The following SMU1 variants were observed in gnomAD, a reference collection of about 807,000 sequenced individuals.
The protein encoded by SMU1 is SMU1 DNA replication regulator and spliceosomal factor.
SMU1 carries 2 observed loss-of-function variants against 62.0 expected under a neutral mutation model. The ratio of observed to expected loss-of-function variants is 0.03; its 90% CI spans 0.01 to 0.10. The LOEUF (loss-of-function observed/expected upper bound fraction) is 0.10. SMU1 is among the 10% of genes least tolerant of loss of function. The probability of loss-of-function intolerance (pLI) is 1.00; values close to 1 mark genes in which losing one functional copy is unlikely to be tolerated. For synonymous variants in SMU1, 188 were observed against 212.4 expected (o/e 0.89, Z 1.00); for missense variants, 227 against 622.1 (o/e 0.36, Z 6.76).
At chr9:33,072,758 G>A (rs367612499) in intron 2 of SMU1, among the ~76,000 whole-genome samples, 18 of 148,642 alleles carry the variant, frequency 1.2e-4, no homozygotes, top group African/African-American at 4.2e-4. Flanking sequence ...GAACCCCGGA[G>A]ATGGAGGTTG....
At chr9:33,070,994 T>C (rs895104881) in intron 3 of SMU1, among the ~76,000 whole-genome samples, 4 of 152,180 alleles carry the variant, frequency 2.6e-5, no homozygotes, top group Non-Finnish European at 5.9e-5. Flanking sequence ...ATAATAATTA[T>C]ACATTTTAAA....
rs753088124 is a variant in SMU1, at chr9:33,057,005, A to C, written c.868-41T>G. ...AAAAAAGAATTAAAAAAACCTTGTT[A>C]AGTGTCCTACTATTAATAGCCCACA... On this transcript the variant is annotated intron_variant, in intron 7 of 11. Transcript: ENST00000397149. 3.1e-6 allele frequency: 5 copies of C among 1,587,642 alleles called. No homozygotes were observed. In the Admixed American group the frequency reaches 9.1e-5, roughly 29 times the overall value.
intron 10 of SMU1, among the ~76,000 whole-genome samples, chr9:33,049,894 T>C (rs1261346878): frequency 2.0e-5 from 3 of 152,042 alleles, no homozygotes; most frequent in African/African-American, 7.2e-5. Context: ...GCTATGATCA[T>C]GCCACTGCAC....
intron 8 of SMU1, 54 bp downstream of exon 8, chr9:33,056,783 C>A: frequency 1.3e-6 from 2 of 1,582,628 alleles, no homozygotes; most frequent in Non-Finnish European, 1.7e-6. Context: ...TACCTCCCTC[C>A]ATGGCCTCAT....
rs542627394 is a variant in SMU1, at chr9:33,062,055, A to G, written c.624T>C (p.His208=). The G allele has an allele frequency of 6.2e-7, 1 of 1,613,484 alleles. No individual in the cohort carries two copies. Among genetic ancestry groups the G allele is most frequent in the African/African-American group, 1.3e-5 (1 of 75,008 alleles). ...GAATGTCTTAGGATCCTACCTTAAT[A>G]TGCCTGCTCAGTTGTGTAGGAAACT... is the stretch of plus-strand genomic sequence containing the variant. ...EEKFPTQLSR[H]IKFGQKSHVE... Residue 208 remains histidine, a synonymous_variant, in exon 5 of 12, where the codon CAT becomes CAC. Coordinates refer to ENST00000397149, the MANE Select transcript of SMU1 (RefSeq NM_018225.3).
chr9:33,053,232 G>A lies in SMU1; in HGVS notation c.1181C>T (p.Ala394Val), dbSNP rs2119426295. ...ACTGTTGACGGTAATATCTGTCCCT[G>A]CGGTGCTGCCCAGGGATTTAAAGGT... ...SNTFKSLGST[A>V]GTDITVNSVI... is the part of the protein sequence containing the mutation. The change falls in exon 10 of 12, where the codon GCA becomes GTA. Residue 394 changes from alanine (A) to valine (V), a missense_variant. This residue lies in a region of SMU1 where 98 missense variants were observed against 195.9 expected (regional missense o/e 0.50). Coordinates refer to ENST00000397149, the MANE Select transcript of SMU1 (RefSeq NM_018225.3). 6.2e-7 allele frequency: 1 copy of A among 1,612,728 alleles called. No individual in the cohort carries two copies. The highest frequency in any genetic ancestry group is 2.2e-5 in the East Asian group (1 of 44,892).
At chr9:33,070,868 G>A (rs1839477955) in intron 3 of SMU1, among the ~76,000 whole-genome samples, 1 of 152,180 alleles carries the variant, frequency 6.6e-6, no homozygotes, top group Non-Finnish European at 1.5e-5. Context: ...GTCAGAGGCT[G>A]GGAAGGGTGG....
At chr9:33,052,553 C>T (rs1448333741) in intron 10 of SMU1, among the ~76,000 whole-genome samples, 3 of 152,114 alleles carry the variant, frequency 2.0e-5, no homozygotes. Context: ...CAGCAAGATC[C>T]CCAAGTGTCC....
At chr9:33,074,772 C>CTTT (rs757049046) in intron 1 of SMU1, among the ~76,000 whole-genome samples, 4,819 of 133,902 alleles carry the variant, frequency 0.036, 153 homozygotes, top group East Asian at 0.12. Flanking sequence ...CAAACATCCT[C>CTTT]TTTTTTTTTT....
intron 3 of SMU1, among the ~76,000 whole-genome samples, chr9:33,070,978 T>C (rs1054758772): frequency 3.9e-5 from 6 of 152,204 alleles, no homozygotes; most frequent in East Asian, 1.9e-4. Flanking sequence ...AGGGTGACTA[T>C]AGCCAATAAT....
chr9:33,067,332 A>G (rs943528734), intron 4 of SMU1, among the ~76,000 whole-genome samples: 1 of 149,500 alleles, frequency 6.7e-6, no homozygotes, highest in African/African-American at 2.5e-5. Context: ...AAATCAGGTA[A>G]TAACAGTATA....
intron 3 of SMU1, 119 bp from the exon 4 acceptor site, chr9:33,069,053 G>A (rs1009670553): frequency 5.1e-6 from 7 of 1,377,128 alleles, no homozygotes; most frequent in African/African-American, 1.5e-5. Context: ...AAATTACCCA[G>A]TTAAAGAAGG....
chr9:33,061,826 A>T (rs994073121), intron 5 of SMU1, among the ~76,000 whole-genome samples: 10 of 152,198 alleles, frequency 6.6e-5, no homozygotes, highest in Admixed American at 6.6e-4. Flanking sequence ...GGTGGGCTAG[A>T]TGTCAAGCTA....
In SMU1 at chr9:33,053,216, G is replaced by A. The variant is rs760707567; in HGVS notation, c.1197C>T (p.Thr399=). 32 of 1,612,310 alleles carry A rather than the reference G, an allele frequency of 2.0e-5. No homozygotes were observed. Among genetic ancestry groups the A allele is most frequent in the African/African-American group, 2.7e-5 (2 of 74,844 alleles). ...SLGSTAGTDI[T]VNSVILLPKN... ...TAGGAAGTAGAATCACACTGTTGACGGTAATATCTGTCCCTGCGGTGCTGC... is the reference window on the plus strand; with the variant it reads ...TAGGAAGTAGAATCACACTGTTGACAGTAATATCTGTCCCTGCGGTGCTGC... The change falls in exon 10 of 12, where the codon ACC becomes ACT. Residue 399 remains threonine (T), a synonymous_variant. Transcript: ENST00000397149.
chr9:33,056,321 A>G, intron 8 of SMU1, 82 bp from the exon 9 acceptor site: 2 of 1,354,272 alleles, frequency 1.5e-6, no homozygotes, highest in Non-Finnish European at 2.0e-6. Flanking sequence ...CATTTTAGAT[A>G]AATTACAGAA....
At chr9:33,047,666 T>C (rs1035847457) in intron 11 of SMU1, among the ~76,000 whole-genome samples, 1 of 152,138 alleles carries the variant, frequency 6.6e-6, no homozygotes, top group African/African-American at 2.4e-5. Context: ...AAGACCAGCC[T>C]GGCCAACAGG....
chr9:33,074,108 T>C (rs1192491382), intron 1 of SMU1, among the ~76,000 whole-genome samples: 1 of 152,224 alleles, frequency 6.6e-6, no homozygotes, highest in African/African-American at 2.4e-5. Context: ...ATTCTTGTAA[T>C]TATATTGTAG....
At position 33,052,443 on chromosome 9, in the gene SMU1, C is replaced by T. The variant is rs192611765; in HGVS notation, c.1290+680G>A. ...TGGCCCAAAAGATACTGCGGACCAG[C>T]CATCTCAGCTATGGATTCTCAACTA... On this transcript the variant is annotated intron_variant, in intron 10 of 11. Coordinates refer to ENST00000397149, the MANE Select transcript of SMU1 (RefSeq NM_018225.3). Among the ~76,000 whole-genome samples the T allele has an allele frequency of 3.7e-3, 565 of 152,284 alleles. 9 individuals carry two copies. Among genetic ancestry groups the T allele is most frequent in the Admixed American group, 0.015 (223 of 15,286 alleles).
At position 33,062,085 on chromosome 9, in the gene SMU1, T is replaced by C; in HGVS notation, c.594A>G (p.Glu198=). The change falls in exon 5 of 12, where the codon GAA becomes GAG. Residue 198 remains glutamate (E), a synonymous_variant. Coordinates refer to ENST00000397149, the MANE Select transcript of SMU1 (RefSeq NM_018225.3). ...TGCTCAGTTGTGTAGGAAACTTTTC[T>C]TCTTCCACATCTTTGACAGCTGCCT... ...RGKAAVKDVE[E]EKFPTQLSRH... is the part of the protein sequence containing the mutation. The C allele has an allele frequency of 1.2e-6, 2 of 1,614,172 alleles. No homozygotes were observed.
Sources: allele counts gnomAD v4.1 joint callset (sites outside exome capture counted in the v4.1 genomes callset), GRCh38; gene constraint gnomAD v4.1.1; regional missense constraint gnomAD v4.1.1; transcripts MANE v1.5; gene names NCBI Gene and HGNC (gene_info 2026-07-23, HGNC 2026-07-21).